The following ANKS1B variants were observed in gnomAD, a reference collection of about 807,000 sequenced individuals.
The protein encoded by ANKS1B is ankyrin repeat and sterile alpha motif domain containing 1B.
Under a neutral mutation model 148.3 loss-of-function variants are expected in ANKS1B, and 36 were observed. The observed-to-expected ratio is 0.24, with a 90% CI of 0.19 to 0.32. The LOEUF (loss-of-function observed/expected upper bound fraction) is 0.32, where lower values mean the gene tolerates loss of function less well. Ranked by LOEUF, ANKS1B falls within the 10% of genes least tolerant of loss-of-function variation. The pLI, the probability that ANKS1B is intolerant of heterozygous loss-of-function variation, is 1.00. For synonymous variants in ANKS1B, 542 were observed against 560.8 expected (o/e 0.97, Z 0.47); for missense variants, 1,157 against 1,542.6 (o/e 0.75, Z 4.19).
intron 1 of ANKS1B, among the ~76,000 whole-genome samples, chr12:99,854,307 C>T (rs1044740808): frequency 1.3e-5 from 2 of 152,104 alleles, no homozygotes; most frequent in Non-Finnish European, 2.9e-5. Context: ...CCACCACTCC[C>T]GGCCAAGACA....
chr12:99,946,221 C>T (rs983298381), intron 1 of ANKS1B, among the ~76,000 whole-genome samples: 1 of 152,166 alleles, frequency 6.6e-6, no homozygotes, highest in Non-Finnish European at 1.5e-5. Context: ...TACTCAATGT[C>T]TCTGACAGCA....
chr12:98,925,930 C>T (rs1307518121), intron 17 of ANKS1B, among the ~76,000 whole-genome samples: 4 of 151,906 alleles, frequency 2.6e-5, no homozygotes, highest in Non-Finnish European at 5.9e-5. Context: ...AATAGTGACA[C>T]TAATTGAAAC....
At chr12:99,505,846 G>A (rs2096706393) in intron 9 of ANKS1B, among the ~76,000 whole-genome samples, 1 of 151,930 alleles carries the variant, frequency 6.6e-6, no homozygotes. Context: ...ATTGTAAGTA[G>A]AAACTGCATT....
chr12:99,095,170 G>A (rs1430350987), intron 15 of ANKS1B, among the ~76,000 whole-genome samples: 3 of 152,250 alleles, frequency 2.0e-5, no homozygotes, highest in Non-Finnish European at 2.9e-5. Flanking sequence ...CAGTACCTAC[G>A]AAAATGAAAA....
intron 17 of ANKS1B, among the ~76,000 whole-genome samples, chr12:99,017,633 G>A (rs970013653): frequency 6.6e-6 from 1 of 152,116 alleles, no homozygotes; most frequent in African/African-American, 2.4e-5. Flanking sequence ...CCAATCAGTG[G>A]CACCCATTCC....
intron 12 of ANKS1B, among the ~76,000 whole-genome samples, chr12:99,280,274 T>C (rs2078241611): frequency 6.6e-6 from 1 of 152,106 alleles, no homozygotes; most frequent in South Asian, 2.1e-4. Context: ...CGAGGAATGC[T>C]AGTGAGTAGA....
intron 22 of ANKS1B, among the ~76,000 whole-genome samples, chr12:98,783,196 A>G (rs2098754338): frequency 6.6e-6 from 1 of 152,244 alleles, no homozygotes; most frequent in African/African-American, 2.4e-5. Flanking sequence ...TTGTTCAGCA[A>G]TCGAGTTGTT....
intron 15 of ANKS1B, among the ~76,000 whole-genome samples, chr12:99,114,858 A>G (rs1201500178): frequency 1.3e-5 from 2 of 152,212 alleles, no homozygotes; most frequent in Admixed American, 1.3e-4. Context: ...CATGGAGCCA[A>G]GAATCATATG....
At position 99,257,665 on chromosome 12, in the gene ANKS1B, T is replaced by C. The variant is rs182866457; in HGVS notation, c.1757-10801A>G. Among the ~76,000 whole-genome samples the C allele has an allele frequency of 1.8e-3, 269 of 152,318 alleles. 2 individuals are homozygous for C. Among genetic ancestry groups the C allele is most frequent in the African/African-American group, 6.2e-3 (259 of 41,574 alleles). The stretch of plus-strand genomic sequence containing the variant: ...CATTGAGCGCTAAATATGTCTGTGT[T>C]ATTTTTGTTGATATCTACTTATAGT... On this transcript the variant is annotated intron_variant, in intron 12 of 26. Coordinates refer to ENST00000683438, the MANE Select transcript of ANKS1B (RefSeq NM_001352186.2).
At chr12:98,897,260 C>T (rs2099766038) in intron 17 of ANKS1B, among the ~76,000 whole-genome samples, 1 of 151,872 alleles carries the variant, frequency 6.6e-6, no homozygotes, top group Admixed American at 6.6e-5. Flanking sequence ...GGAGCTTCTG[C>T]ACAGCAAAAT....
intron 15 of ANKS1B, among the ~76,000 whole-genome samples, chr12:99,132,445 G>A (rs10860394): frequency 0.27 from 41,264 of 151,152 alleles, 5,932 homozygotes; most frequent in African/African-American, 0.35. Flanking sequence ...GTTTGAGACC[G>A]GCTTAGACAA....
chr12:99,958,275 G>GA (rs1158250360), intron 1 of ANKS1B, among the ~76,000 whole-genome samples: 1 of 152,138 alleles, frequency 6.6e-6, no homozygotes, highest in African/African-American at 2.4e-5. Flanking sequence ...AAGAACTGGT[G>GA]AAAAAATGGG....
At chr12:99,291,382 GA>G (rs895692778) in intron 12 of ANKS1B, among the ~76,000 whole-genome samples, 69 of 151,882 alleles carry the variant, frequency 4.5e-4, no homozygotes, top group African/African-American at 1.6e-3. Context: ...TGCAGAAATA[GA>G]AAAAAAATTT....
At chr12:99,241,263 T>C (rs568830275) in intron 14 of ANKS1B, among the ~76,000 whole-genome samples, 26 of 152,292 alleles carry the variant, frequency 1.7e-4, no homozygotes, top group African/African-American at 6.3e-4. Context: ...GAGAATACTA[T>C]AAACACCTCT....
chr12:99,623,054 T>G (rs949763024), intron 9 of ANKS1B, among the ~76,000 whole-genome samples: 2 of 152,014 alleles, frequency 1.3e-5, no homozygotes, highest in Non-Finnish European at 2.9e-5. Flanking sequence ...CATTTTACCA[T>G]GATCACACAG....
At chr12:99,754,281 T>C (rs2061374111) in intron 8 of ANKS1B, among the ~76,000 whole-genome samples, 1 of 152,100 alleles carries the variant, frequency 6.6e-6, no homozygotes, top group Admixed American at 6.6e-5. Flanking sequence ...TACATAATCA[T>C]AAAGGGTTCA....
rs1159842712 is a variant in ANKS1B, at chr12:99,263,102, A to G, written c.1757-16238T>C. On this transcript the variant is annotated intron_variant, in intron 12 of 26. Transcript: ENST00000683438. ...TACTCTGGGGTATTATGGTATTCCC[A>G]TTTCGTAGGTGAGGAGTTGAATGCT... Among the ~76,000 whole-genome samples the G allele has an allele frequency of 7.2e-5, 11 of 152,008 alleles. 1 individual carries two copies. In the East Asian group the frequency reaches 1.7e-3, roughly 24 times the overall value.
intron 11 of ANKS1B, among the ~76,000 whole-genome samples, chr12:99,422,080 A>G (rs569098015): frequency 6.6e-6 from 1 of 152,318 alleles, no homozygotes; most frequent in South Asian, 2.1e-4. Flanking sequence ...AGCCAATTAA[A>G]TCTGTTTTCT....
intron 1 of ANKS1B, among the ~76,000 whole-genome samples, chr12:99,944,142 C>T (rs1370375165): frequency 6.6e-6 from 1 of 152,146 alleles, no homozygotes; most frequent in Non-Finnish European, 1.5e-5. Flanking sequence ...GGCACTCTTC[C>T]TCTCAGCAGC....
Sources: allele counts gnomAD v4.1 joint callset (sites outside exome capture counted in the v4.1 genomes callset), GRCh38; gene constraint gnomAD v4.1.1; transcripts MANE v1.5; gene names NCBI Gene and HGNC (gene_info 2026-07-23, HGNC 2026-07-21).